The following FAM111B variants were observed in gnomAD, a reference collection of about 807,000 sequenced individuals.
FAM111B encodes FAM111 trypsin like peptidase B.
A neutral mutation model predicts 2.8 loss-of-function variants in FAM111B; 1 was observed. The ratio of observed to expected loss-of-function variants is 0.36; its 90% CI spans 0.13 to 1.70. The LOEUF is 1.70. Among genes scored for constraint, FAM111B ranks in the 40% most tolerant of loss-of-function variants. The pLI is 0.35. For missense variants in FAM111B, 882 were observed against 878.9 expected, an observed-to-expected ratio of 1.00 and a Z score of -0.04; for synonymous variants, 297 against 295.6, an observed-to-expected ratio of 1.00 and a Z score of -0.05.
chr11:59,125,810 T>C lies in FAM111B; in HGVS notation c.1713T>C (p.Thr571=). The C allele has an allele frequency of 6.2e-7, 1 of 1,613,940 alleles. No individual in the cohort carries two copies. The highest frequency in any genetic ancestry group is 8.5e-7 in the Non-Finnish European group (1 of 1,179,836). Residue 571 remains threonine (T), a synonymous_variant, in exon 4 of 4, where the codon ACT becomes ACC. Transcript: ENST00000343597. ...LWRQISPQPS[T]GLIYLIGHPE... ...GACAGATTTCTCCTCAACCATCTAC[T>C]GGTTTGATTTATTTAATTGGTCATC...
chr11:59,123,921 C>T (rs1202701695), intron 3 of FAM111B, among the ~76,000 whole-genome samples: 1 of 151,864 alleles, frequency 6.6e-6, no homozygotes, highest in African/African-American at 2.4e-5. Context: ...TCTTAAGACC[C>T]TTGTTGAAAA....
intron 3 of FAM111B, among the ~76,000 whole-genome samples, chr11:59,122,091 G>A (rs1298615455): frequency 6.6e-6 from 1 of 152,184 alleles, no homozygotes; most frequent in Non-Finnish European, 1.5e-5. Flanking sequence ...GCAGTGAACC[G>A]AGATTGTGCC....
At position 59,109,704 on chromosome 11, in the gene FAM111B, A is replaced by G; in HGVS notation, c.79A>G (p.Lys27Glu). The change falls in exon 3 of 4, where the codon AAG becomes GAG. Residue 27 changes from lysine (K) to glutamate (E), a missense_variant and splice_region_variant. Transcript: ENST00000343597. The part of the protein sequence containing the change: ...DDQRTRPEVS[K>E]DTVMKQTHAD... ...CCAGAGGACTAGACCTGAAGTTTCA[A>G]AGGTATATCTACTTTTTTACAACTC... The G allele has an allele frequency of 6.2e-7, 1 of 1,606,396 alleles. No homozygotes were observed. The highest frequency in any genetic ancestry group is 8.5e-7 in the Non-Finnish European group (1 of 1,174,348).
chr11:59,119,825 C>T (rs1298500597), intron 3 of FAM111B, among the ~76,000 whole-genome samples: 1 of 151,770 alleles, frequency 6.6e-6, no homozygotes, highest in African/African-American at 2.4e-5. Flanking sequence ...TTAGCCAATG[C>T]AGTGTGATAA....
In FAM111B at chr11:59,124,943, A is replaced by T. The variant is rs1483786401; in HGVS notation, c.846A>T (p.Lys282Asn). Residue 282 changes from lysine (K) to asparagine (N), a missense_variant, in exon 4 of 4, where the codon AAA (lysine) becomes AAT (asparagine). Coordinates refer to ENST00000343597, the MANE Select transcript of FAM111B (RefSeq NM_198947.4). ...TACAACAGAAAGATATCCATAAAAA[A>T]ATTAAACAGAATGAAAGTGCCACTG... is the stretch of plus-strand genomic sequence containing the variant. ...KALQQKDIHK[K>N]IKQNESATDE... The T allele has an allele frequency of 1.9e-6, 3 of 1,606,444 alleles. No individual in the cohort carries two copies. In the South Asian group the frequency reaches 3.4e-5, roughly 18 times the overall value.
At position 59,124,764 on chromosome 11, in the gene FAM111B, G is replaced by A; in HGVS notation, c.667G>A (p.Gly223Arg). The A allele has an allele frequency of 6.2e-7, 1 of 1,613,846 alleles. No homozygotes were observed. The highest frequency in any genetic ancestry group is 8.5e-7 in the Non-Finnish European group (1 of 1,179,818). The change falls in exon 4 of 4, where the codon GGA becomes AGA. Residue 223 changes from glycine to arginine, a missense_variant. Physicochemically the swap from Gly to Arg is moderately radical, Grantham distance 125. Transcript: ENST00000343597. ...IYALKGETIE[G>R]ALCKDGRFRS... ...TGCCTTGAAGGGTGAGACTATTGAA[G>A]GAGCCTTATGCAAGGATGGCCGTTT...
intron 3 of FAM111B, among the ~76,000 whole-genome samples, chr11:59,123,085 TG>T (rs930355715): frequency 6.6e-6 from 1 of 152,232 alleles, no homozygotes; most frequent in African/African-American, 2.4e-5. Flanking sequence ...TGATTGTATA[TG>T]AGTATTTATA....
chr11:59,125,467 A>T lies in FAM111B; in HGVS notation c.1370A>T (p.Tyr457Phe). The change falls in exon 4 of 4, where the codon TAT (tyrosine) becomes TTT (phenylalanine). Residue 457 changes from tyrosine (Y) to phenylalanine (F), a missense_variant. Physicochemically the swap from Tyr to Phe is conservative, Grantham distance 22. Transcript: ENST00000343597. ...GCAACCTGCGAACAGCTTACATATT[A>T]TAGCAAGTCAGTTGGGTTCATGCAA... ...SVATCEQLTYYSKSVGFMQWD... is the reference protein window; with the variant it reads ...SVATCEQLTYFSKSVGFMQWD... The T allele has an allele frequency of 1.9e-6, 3 of 1,614,030 alleles. No individual in the cohort carries two copies. Among genetic ancestry groups the T allele is most frequent in the Non-Finnish European group, 2.5e-6 (3 of 1,179,876 alleles).
intron 3 of FAM111B, among the ~76,000 whole-genome samples, chr11:59,111,345 G>C (rs1315784085): frequency 6.6e-6 from 1 of 152,122 alleles, no homozygotes; most frequent in Non-Finnish European, 1.5e-5. Context: ...AGGTAGAATA[G>C]CTTTCTGGAA....
Position 59,119,139 on chromosome 11 carries a change from C to T in FAM111B, c.82-5040C>T, listed in dbSNP as rs191731236. On this transcript the variant is annotated intron_variant, in intron 3 of 3. Transcript: ENST00000343597. ...TCTAATATTTTTGGGTAGCTGATTT[C>T]CCTGACTTAGGTGATTTCCTCACAT... Among the ~76,000 whole-genome samples the T allele has an allele frequency of 2.3e-3, 357 of 152,290 alleles. 1 individual carries two copies. Among genetic ancestry groups the T allele is most frequent in the Middle Eastern group, 0.02 (6 of 294 alleles).
chr11:59,117,117 C>T (rs1279074406), intron 3 of FAM111B, among the ~76,000 whole-genome samples: 1 of 152,190 alleles, frequency 6.6e-6, no homozygotes, highest in Admixed American at 6.5e-5. Context: ...CACAGGGGAG[C>T]TGCCTGCCCT....
intron 3 of FAM111B, among the ~76,000 whole-genome samples, chr11:59,120,189 CTAA>C (rs1290265384): frequency 6.6e-6 from 1 of 152,038 alleles, no homozygotes; most frequent in Non-Finnish European, 1.5e-5. Flanking sequence ...TCAAGATATA[CTAA>C]TGAGTAGAAA....
intron 3 of FAM111B, among the ~76,000 whole-genome samples, chr11:59,113,712 A>C (rs919324559): frequency 1.3e-5 from 2 of 152,190 alleles, no homozygotes; most frequent in African/African-American, 4.8e-5. Flanking sequence ...CCAGACTTAG[A>C]GTCCCCTGGA....
At chr11:59,124,154 A>G in intron 3 of FAM111B, 25 bp from the exon 4 acceptor site, 1 of 1,510,384 alleles carries the variant, frequency 6.6e-7, no homozygotes, top group South Asian at 1.3e-5. Context: ...ATTCTTGTTA[A>G]CCTCTTTAAT....
intron 3 of FAM111B, among the ~76,000 whole-genome samples, chr11:59,117,177 A>G (rs1210742710): frequency 6.6e-6 from 1 of 152,160 alleles, no homozygotes; most frequent in Non-Finnish European, 1.5e-5. Context: ...AGATCTTGCT[A>G]TACCTTAAGC....
rs1335785749 is a variant in FAM111B at position 59,111,410 on chromosome 11, C to G, written c.81+1704C>G. ...ATTCCATGTGTAGGTTTTTGGATTT[C>G]CTTCTGTAAATAAAGGAGATGTGTT... On this transcript the variant is annotated intron_variant, in intron 3 of 3. Coordinates refer to ENST00000343597, the MANE Select transcript of FAM111B (RefSeq NM_198947.4). Among the ~76,000 whole-genome samples, 5 of 151,926 alleles carry G rather than the reference C, an allele frequency of 3.3e-5. No homozygotes were observed. The South Asian group carries it at 6.2e-4, about 19-fold the overall frequency.
At position 59,124,623 on chromosome 11, in the gene FAM111B, T is replaced by G; in HGVS notation, c.526T>G (p.Cys176Gly). 6.2e-7 allele frequency: 1 copy of G among 1,613,890 alleles called. No homozygotes were observed. Among genetic ancestry groups the G allele is most frequent in the Non-Finnish European group, 8.5e-7 (1 of 1,179,830 alleles). ...AGAAGATGGACACATATTACGCCAATGTGAAAATCCAAACATGGAATGCAT... is the reference window on the plus strand; with the variant it reads ...AGAAGATGGACACATATTACGCCAAGGTGAAAATCCAAACATGGAATGCAT... ...SKEDGHILRQ[C>G]ENPNMECILF... The change falls in exon 4 of 4, where the codon TGT (cysteine) becomes GGT (glycine). Residue 176 changes from cysteine to glycine, a missense_variant. Cys to Gly is a radical substitution (Grantham distance 159). Coordinates refer to ENST00000343597, the MANE Select transcript of FAM111B (RefSeq NM_198947.4).
At position 59,125,671 on chromosome 11, in the gene FAM111B, C is replaced by T. The variant is rs935354350; in HGVS notation, c.1574C>T (p.Thr525Ile). Reference protein sequence around the residue: ...VTFTYTEFCPTPDNWFSIEPW... With the variant: ...VTFTYTEFCPIPDNWFSIEPW... The stretch of plus-strand genomic sequence containing the variant: ...TTCACTTATACAGAGTTCTGCCCTA[C>T]TCCTGACAATTGGTTTTCCATTGAG... The change falls in exon 4 of 4, where the codon ACT (threonine) becomes ATT (isoleucine). Residue 525 changes from threonine to isoleucine, a missense_variant. Thr to Ile is a moderately conservative substitution (Grantham distance 89). Coordinates refer to ENST00000343597, the MANE Select transcript of FAM111B (RefSeq NM_198947.4). 9.3e-6 allele frequency: 15 copies of T among 1,613,816 alleles called. No individual in the cohort carries two copies. The highest frequency in any genetic ancestry group is 1.3e-5 in the Non-Finnish European group (15 of 1,179,834).
intron 3 of FAM111B, among the ~76,000 whole-genome samples, chr11:59,115,359 C>A (rs1041074901): frequency 6.6e-6 from 1 of 152,196 alleles, no homozygotes; most frequent in Non-Finnish European, 1.5e-5. Flanking sequence ...CTGCTTTTAA[C>A]ACCTGCAGGT....
Sources: gnomAD v4.1 joint callset for allele counts (sites outside exome capture counted in the v4.1 genomes callset) on GRCh38, gnomAD v4.1.1 for gene constraint, MANE v1.5 for transcripts, NCBI Gene and HGNC (gene_info 2026-07-23, HGNC 2026-07-21) for gene names.